Variants in INTS6 observed in about 807,000 individuals in gnomAD.
INTS6 encodes integrator complex subunit 6, also known as DEAD box protein.
A neutral mutation model predicts 104.9 loss-of-function variants in INTS6; 16 were observed. The observed-to-expected ratio is 0.15, with a 90% CI of 0.10 to 0.23. INTS6 has a LOEUF of 0.23. INTS6 is among the 10% of genes least tolerant of loss of function. The pLI is 1.00. For synonymous variants in INTS6, 324 were observed against 358.7 expected (o/e 0.90, Z 1.09); for missense variants, 584 against 1,062.8 (o/e 0.55, Z 6.26).
chr13:51,380,856 T>A (rs1218344451), intron 10 of INTS6, among the ~76,000 whole-genome samples: 1 of 152,234 alleles, frequency 6.6e-6, no homozygotes, highest in East Asian at 1.9e-4. Context: ...TATAAGAATA[T>A]ACACTTATCC....
In INTS6 at chr13:51,429,762, T is replaced by TAA. The variant is rs1259029104; in HGVS notation, c.429+531_429+532insTT. 5.6e-3 allele frequency among the ~76,000 whole-genome samples: 72 copies of TAA among 12,864 alleles called. 2 individuals carry two copies. Among genetic ancestry groups the TAA allele is most frequent in the Middle Eastern group, 0.05 (1 of 20 alleles). The allele number at this position is 12,864 out of a possible 152,430, so 8.4% of individuals were successfully genotyped here. Reference sequence around the variant, plus strand: ...CGGGGCAACAGAGTGAGACTCTGTCTCAAAAAAAAAAAAAAAAAAAAAAAT... The same window carrying TAA: ...CGGGGCAACAGAGTGAGACTCTGTCTAACAAAAAAAAAAAAAAAAAAAAAAAT... On this transcript the variant is annotated intron_variant, in intron 4 of 17. Transcript: ENST00000311234.
At chr13:51,425,574 CT>C (rs1956970065) in intron 4 of INTS6, among the ~76,000 whole-genome samples, 10 of 152,176 alleles carry the variant, frequency 6.6e-5, no homozygotes, top group Admixed American at 5.9e-4. Flanking sequence ...AACTGCTACA[CT>C]ATCCTGGAAT....
intron 14 of INTS6, 24 bp downstream of exon 14, chr13:51,374,630 C>G (rs1390993903): frequency 6.2e-7 from 1 of 1,610,488 alleles, no homozygotes; most frequent in Non-Finnish European, 8.5e-7. Context: ...AAACAAATTA[C>G]ATAATAGAAC....
chr13:51,382,015 A>T lies in INTS6; in HGVS notation c.1275+14T>A. On this transcript the variant is annotated intron_variant, in intron 10 of 17. Coordinates refer to ENST00000311234, the MANE Select transcript of INTS6 (RefSeq NM_012141.3). Reference sequence around the variant, plus strand: ...TGCGCCCGGCCAACAAGTTCTTTTAAATAATATTCTTACCCCAAGATAGTA... The same window carrying T: ...TGCGCCCGGCCAACAAGTTCTTTTATATAATATTCTTACCCCAAGATAGTA... The T allele has an allele frequency of 6.3e-7, 1 of 1,577,932 alleles. No individual in the cohort carries two copies. Among genetic ancestry groups the T allele is most frequent in the African/African-American group, 1.3e-5 (1 of 74,220 alleles).
intron 5 of INTS6, among the ~76,000 whole-genome samples, chr13:51,393,464 T>C (rs1566220974): frequency 6.6e-6 from 1 of 152,224 alleles, no homozygotes; most frequent in African/African-American, 2.4e-5. Context: ...ATCTTTTTTG[T>C]TCTTTCTACT....
At chr13:51,359,623 TAC>T (rs1955530959), downstream of INTS6, among the ~76,000 whole-genome samples, 1 of 152,118 alleles carries the variant, frequency 6.6e-6, no homozygotes, top group South Asian at 2.1e-4. Context: ...CCCAGACTAA[TAC>T]AGACACATTT....
intron 4 of INTS6, among the ~76,000 whole-genome samples, chr13:51,400,247 G>T (rs779998100): frequency 9.9e-5 from 15 of 152,178 alleles, no homozygotes; most frequent in Non-Finnish European, 2.1e-4. Context: ...AAAGGTTGGG[G>T]ACAGCTGCTT....
chr13:51,375,223 C>T (rs1369519199), intron 13 of INTS6, among the ~76,000 whole-genome samples: 2 of 151,660 alleles, frequency 1.3e-5, no homozygotes, highest in African/African-American at 4.8e-5. Context: ...CATGGTGGCA[C>T]GTGCCTGTAA....
downstream of INTS6, chr13:51,361,303 A>T (rs765168256): frequency 2.5e-6 from 4 of 1,609,874 alleles, no homozygotes; most frequent in Admixed American, 6.7e-5. Flanking sequence ...ATGTTTCTGA[A>T]GCAATCCACA....
Position 51,365,641 on chromosome 13 carries a change from T to C in INTS6, c.*111A>G, listed in dbSNP as rs1955669947. 1.9e-6 allele frequency: 1 copy of C among 522,294 alleles called. No homozygotes were observed. Among genetic ancestry groups the C allele is most frequent in the South Asian group, 4.2e-5 (1 of 23,638 alleles). The allele number at this position is 522,294 out of a possible 1,614,324, so 32.4% of individuals were successfully genotyped here. A position where few individuals can be genotyped will look rare whatever the true frequency, so the allele number is the denominator to read the frequency against. ...GGATCTGTAGATTTGCTTTTAGTAT[T>C]TCAAATAGCCAACAATGCATGTCAG... On this transcript the variant is annotated 3_prime_UTR_variant, in exon 18 of 18. Coordinates refer to ENST00000311234, the MANE Select transcript of INTS6 (RefSeq NM_012141.3).
At position 51,452,455 on chromosome 13, in the gene INTS6, T is replaced by G; in HGVS notation, c.71A>C (p.Tyr24Ser). The G allele has an allele frequency of 6.2e-7, 1 of 1,608,692 alleles. No individual in the cohort carries two copies. Among genetic ancestry groups the G allele is most frequent in the Non-Finnish European group, 8.5e-7 (1 of 1,176,768 alleles). ...MNQRSHLGTT[Y>S]LDTAKGAVET... The stretch of plus-strand genomic sequence containing the variant: ...TACCGCGCCTTTGGCCGTGTCCAGG[T>G]AGGTGGTGCCCAGATGGCTGCGCTG... Residue 24 changes from tyrosine (Y) to serine (S), a missense_variant, in exon 1 of 18, where the codon TAC (tyrosine) becomes TCC (serine). Coordinates refer to ENST00000311234, the MANE Select transcript of INTS6 (RefSeq NM_012141.3). The surrounding 1 kb of genome is among the most constrained non-coding windows in gnomAD (Gnocchi z 4.2).
At chr13:51,430,473 C>T in intron 3 of INTS6, 90 bp from the exon 4 acceptor site, 1 of 871,252 alleles carries the variant, frequency 1.1e-6, no homozygotes, top group South Asian at 1.7e-5. Flanking sequence ...TATATACGAT[C>T]TCCCTTTCTA....
At chr13:51,403,398 C>T (rs1269457491) in intron 4 of INTS6, among the ~76,000 whole-genome samples, 1 of 151,850 alleles carries the variant, frequency 6.6e-6, no homozygotes, top group African/African-American at 2.4e-5. Context: ...CTGGCTAACA[C>T]AGTGAAACCC....
chr13:51,366,694 A>G (rs1955698363), intron 17 of INTS6, among the ~76,000 whole-genome samples: 1 of 152,044 alleles, frequency 6.6e-6, no homozygotes, highest in Non-Finnish European at 1.5e-5. Flanking sequence ...AAATTACATG[A>G]AAAGTTATAG....
the INTS6 span, chr13:51,348,191 C>T: frequency 2.6e-6 from 4 of 1,552,402 alleles, no homozygotes; most frequent in Non-Finnish European, 2.6e-6. Context: ...CAGAGCTGAC[C>T]TCTGATCCAC....
At position 51,451,893 on chromosome 13, in the gene INTS6, G is replaced by A; in HGVS notation, c.189+85C>T. 3.4e-6 allele frequency: 3 copies of A among 885,260 alleles called. No individual in the cohort carries two copies. In the Admixed American group the frequency reaches 6.5e-5, roughly 19 times the overall value. The allele number at this position is 885,260 out of a possible 1,614,324, so 54.8% of individuals were successfully genotyped here. ...AGCGGGTGGGGGAGGGGAGCATAAT[G>A]AAGGGTGAATGGGGGGGCGGGGAGG... On this transcript the variant is annotated intron_variant, in intron 2 of 17. Transcript: ENST00000311234.
rs1956250564 is a variant in INTS6, at chr13:51,391,834, T to C, written c.614-2390A>G. 1.3e-5 allele frequency among the ~76,000 whole-genome samples: 2 copies of C among 152,322 alleles called. 1 individual carries two copies. The highest frequency in any genetic ancestry group is 4.1e-4 in the South Asian group (2 of 4,830). ...TATTTAATCTAGAAATATCTATAATTTTTATAAAATACTTAAAAAATTCTT... is the reference window on the plus strand; with the variant it reads ...TATTTAATCTAGAAATATCTATAATCTTTATAAAATACTTAAAAAATTCTT... On this transcript the variant is annotated intron_variant, in intron 5 of 17. Transcript: ENST00000311234.
At chr13:51,430,412 A>C (rs1489548398) in intron 3 of INTS6, 29 bp from the exon 4 acceptor site, 1 of 1,560,174 alleles carries the variant, frequency 6.4e-7, no homozygotes, top group Non-Finnish European at 8.8e-7. Context: ...TTGATCATAC[A>C]AAGATTTAGA....
intron 3 of INTS6, chr13:51,447,387 C>A (rs1162188339): frequency 1.3e-5 from 2 of 152,076 alleles, no homozygotes; most frequent in Non-Finnish European, 2.9e-5. Context: ...CCTAAGTTTA[C>A]AAAATAGACC....
Sources: allele counts gnomAD v4.1 joint callset (sites outside exome capture counted in the v4.1 genomes callset), GRCh38; gene constraint gnomAD v4.1.1; non-coding constraint Gnocchi (gnomAD v3.1); transcripts MANE v1.5; gene names NCBI Gene and HGNC (gene_info 2026-07-23, HGNC 2026-07-21).